Variants in OTOG observed in about 807,000 individuals in gnomAD.
OTOG encodes the protein otogelin.
OTOG carries 296 observed loss-of-function variants against 313.8 expected under a neutral mutation model. The observed-to-expected ratio is 0.94, with a 90% confidence interval of 0.86 to 1.04. The LOEUF is 1.04. Ranked by LOEUF, OTOG falls within the 50% of genes least tolerant of loss-of-function variation. The pLI is 0.00. For synonymous variants in OTOG, 1,533 were observed against 1,554.9 expected, an observed-to-expected ratio of 0.99 and a Z score of 0.33; for missense variants, 3,948 against 3,840.1, an observed-to-expected ratio of 1.03 and a Z score of -0.74.
chr11:17,645,564 G>GT lies in OTOG; in HGVS notation c.8463dup (p.Lys2822Ter). On this transcript the variant is annotated frameshift_variant and splice_region_variant, in exon 55 of 56. Transcript: ENST00000399397. LOFTEE classifies it high-confidence loss of function. ...CTGCCTCATCCCCCTGTCCCCCCAG[G>GT]TAAGGAGGATGGGCGCTCCTGCAAG... The GT allele has an allele frequency of 6.4e-7, 1 of 1,550,518 alleles. No homozygotes were observed. The highest frequency in any genetic ancestry group is 8.7e-7 in the Non-Finnish European group (1 of 1,146,980).
intron 29 of OTOG, among the ~76,000 whole-genome samples, chr11:17,596,381 C>T (rs1853108730): frequency 6.6e-6 from 1 of 152,224 alleles, no homozygotes; most frequent in African/African-American, 2.4e-5. Flanking sequence ...TTTTCAAGCC[C>T]ATCTTGATCT....
intron 3 of OTOG, among the ~76,000 whole-genome samples, chr11:17,548,418 C>CTTTTTTTTTTTTTTTTTTTTTTT (rs56402246): frequency 1.0e-4 from 9 of 87,618 alleles, no homozygotes; most frequent in African/African-American, 3.3e-4. Flanking sequence ...ATAGTCCACT[C>CTTTTTTTTTTTTTTTTTTTTTTT]TTTTTTTTTT....
Position 17,610,921 on chromosome 11 carries a change from C to T in OTOG, c.5621C>T (p.Pro1874Leu), listed in dbSNP as rs368729892. ...HIAPPAAGTA[P>L]GLLLGATLPT... ...GCACCCCCAGCAGCAGGCACAGCTC[C>T]AGGCCTGCTGCTGGGAGCCACATTG... is the stretch of plus-strand genomic sequence containing the variant. The change falls in exon 36 of 56, where the codon CCA (proline) becomes CTA (leucine). Residue 1874 changes from proline (P) to leucine (L), a missense_variant. Physicochemically the swap from Pro to Leu is moderately conservative, Grantham distance 98. Transcript: ENST00000399397. 1 of 1,550,214 alleles carries T rather than the reference C, an allele frequency of 6.5e-7. No homozygotes were observed. Among genetic ancestry groups the T allele is most frequent in the African/African-American group, 1.4e-5 (1 of 73,014 alleles).
rs1330474897 is a variant in OTOG at position 17,633,807 on chromosome 11, C to T, written c.7200C>T (p.Cys2400=). 83 of 1,550,198 alleles carry T rather than the reference C, an allele frequency of 5.4e-5. No individual in the cohort carries two copies. The highest frequency in any genetic ancestry group is 7.1e-5 in the Non-Finnish European group (81 of 1,146,946). Reference sequence around the variant, plus strand: ...ACTGCCAGGTGCTGGGCGAGGGCTGCGTCTGCTCCGAGGGCACCATCTTAC... The same window carrying T: ...ACTGCCAGGTGCTGGGCGAGGGCTGTGTCTGCTCCGAGGGCACCATCTTAC... ...PEHCQVLGEG[C]VCSEGTILHR... Residue 2400 remains cysteine (C), a synonymous_variant, in exon 43 of 56, where the codon TGC becomes TGT. Transcript: ENST00000399397.
chr11:17,591,046 A>G (rs981912229), intron 24 of OTOG, among the ~76,000 whole-genome samples: 2 of 152,242 alleles, frequency 1.3e-5, no homozygotes, highest in Non-Finnish European at 2.9e-5. Flanking sequence ...CCTCTAGAAT[A>G]AACATTCCCA....
At chr11:17,557,460 G>C in intron 8 of OTOG, 137 bp downstream of exon 8, 1 of 805,952 alleles carries the variant, frequency 1.2e-6, no homozygotes, top group Non-Finnish European at 1.9e-6. Flanking sequence ...GAAGGCCAAG[G>C]ACCCCTTCCT....
At chr11:17,628,887 G>GT (rs1854046982) in intron 39 of OTOG, among the ~76,000 whole-genome samples, 1 of 152,198 alleles carries the variant, frequency 6.6e-6, no homozygotes, top group South Asian at 2.1e-4. Context: ...GCCTCCTGTT[G>GT]TTGCATTTCT....
chr11:17,556,822 C>CA (rs1156913115), intron 7 of OTOG, among the ~76,000 whole-genome samples: 3 of 152,058 alleles, frequency 2.0e-5, no homozygotes, highest in Admixed American at 1.3e-4. Flanking sequence ...TGCTCCCCAC[C>CA]AAAAAAATAA....
chr11:17,555,603 C>G, intron 6 of OTOG, 176 bp from the exon 7 acceptor site: 1 of 566,264 alleles, frequency 1.8e-6, no homozygotes, highest in Non-Finnish European at 3.1e-6. Context: ...CTTCACCTCT[C>G]TGTGAATCCA....
intron 39 of OTOG, 70 bp downstream of exon 39, chr11:17,613,771 G>T: frequency 7.3e-7 from 1 of 1,360,726 alleles, no homozygotes; most frequent in Non-Finnish European, 1.0e-6. Flanking sequence ...ATCCAGGGGT[G>T]GAGGGGCTGT....
chr11:17,608,911 G>A (rs771961448), intron 34 of OTOG, among the ~76,000 whole-genome samples: 27 of 152,216 alleles, frequency 1.8e-4, no homozygotes, highest in South Asian at 4.1e-4. Context: ...CTGAGGGGTA[G>A]AAGTGTGCAG....
intron 39 of OTOG, among the ~76,000 whole-genome samples, chr11:17,621,418 T>C (rs1165507020): frequency 1.3e-5 from 2 of 151,678 alleles, no homozygotes; most frequent in Non-Finnish European, 1.5e-5. Flanking sequence ...TATTAGGAGG[T>C]TTTTCTACTA....
At chr11:17,620,497 G>T (rs1259211397) in intron 39 of OTOG, among the ~76,000 whole-genome samples, 1 of 152,058 alleles carries the variant, frequency 6.6e-6, no homozygotes, top group Non-Finnish European at 1.5e-5. Flanking sequence ...ATTATTGATG[G>T]GCATTTAAGC....
chr11:17,638,623 G>C (rs150296854), intron 48 of OTOG, 74 bp downstream of exon 48: 15 of 1,503,308 alleles, frequency 1.0e-5, no homozygotes, highest in Non-Finnish European at 1.4e-5. Context: ...GAGGGAGCCC[G>C]GCCTACCACC....
intron 20 of OTOG, 99 bp downstream of exon 20, chr11:17,575,011 C>T: frequency 8.4e-7 from 1 of 1,193,290 alleles, no homozygotes. Context: ...CTCTTGTGTC[C>T]CTCCTTCCCC....
intron 3 of OTOG, among the ~76,000 whole-genome samples, chr11:17,551,015 A>G (rs1389954158): frequency 6.6e-6 from 1 of 152,218 alleles, no homozygotes; most frequent in African/African-American, 2.4e-5. Context: ...CTGGATGACA[A>G]TGAGGGAGGC....
At chr11:17,643,353 G>T (rs1284215836) in intron 53 of OTOG, 108 bp from the exon 54 acceptor site, 4 of 706,864 alleles carry the variant, frequency 5.7e-6, no homozygotes, top group Non-Finnish European at 8.3e-6. Flanking sequence ...GGCATCACGG[G>T]GAGAGAAGAG....
intron 20 of OTOG, 85 bp from the exon 21 acceptor site, chr11:17,576,471 G>A: frequency 9.7e-7 from 1 of 1,032,682 alleles, no homozygotes; most frequent in Non-Finnish European, 1.5e-6. Flanking sequence ...GCACCTGGTT[G>A]GCTGAGGGTG....
intron 33 of OTOG, among the ~76,000 whole-genome samples, chr11:17,607,729 TC>T (rs1272908250): frequency 1.3e-5 from 2 of 152,314 alleles, no homozygotes; most frequent in South Asian, 4.1e-4. Flanking sequence ...GAATAACACC[TC>T]CCTTGCAAGC....
Sources: allele counts gnomAD v4.1 joint callset (sites outside exome capture counted in the v4.1 genomes callset), GRCh38; gene constraint gnomAD v4.1.1; transcripts MANE v1.5; gene names NCBI Gene and HGNC (gene_info 2026-07-23, HGNC 2026-07-21).